Variants in ME3 observed in about 807,000 individuals in gnomAD.
The protein encoded by ME3 is malic enzyme 3, also known as NADP-dependent malic enzyme, mitochondrial.
Under a neutral mutation model 68.9 loss-of-function variants are expected in ME3, and 48 were observed. The observed-to-expected ratio is 0.70, with a 90% CI of 0.55 to 0.89. ME3 has a LOEUF of 0.89. ME3 is among the 40% of genes least tolerant of loss of function. The pLI is 0.00. For synonymous variants in ME3, 320 were observed against 318.8 expected (o/e 1.00, Z -0.04); for missense variants, 675 against 797.4 (o/e 0.85, Z 1.85).
At chr11:86,613,452 A>G (rs1158314150) in intron 2 of ME3, among the ~76,000 whole-genome samples, 2 of 152,208 alleles carry the variant, frequency 1.3e-5, no homozygotes, top group African/African-American at 4.8e-5. Flanking sequence ...TCAACATAGT[A>G]TTGGAAGTTC....
At chr11:86,558,122 T>G (rs1056151380) in intron 3 of ME3, among the ~76,000 whole-genome samples, 14 of 152,214 alleles carry the variant, frequency 9.2e-5, no homozygotes, top group African/African-American at 2.7e-4. Flanking sequence ...TCCCCAGGCC[T>G]ATGAGTGAGG....
At chr11:86,487,060 C>A (rs915436640) in intron 7 of ME3, among the ~76,000 whole-genome samples, 7 of 152,272 alleles carry the variant, frequency 4.6e-5, no homozygotes, top group Admixed American at 1.3e-4. Flanking sequence ...GGGGGTTTTT[C>A]TCCTGGGACA....
At chr11:86,666,399 C>T (rs1000892038) in intron 2 of ME3, among the ~76,000 whole-genome samples, 2 of 152,172 alleles carry the variant, frequency 1.3e-5, no homozygotes, top group Admixed American at 6.5e-5. Flanking sequence ...TGATTGCTTG[C>T]CCAGACTTGT....
chr11:86,595,306 T>TAGAGAGAG (rs34224480), intron 2 of ME3, among the ~76,000 whole-genome samples: 17 of 79,820 alleles, frequency 2.1e-4, no homozygotes, highest in African/African-American at 3.1e-4. Context: ...TATATATATA[T>TAGAGAGAG]AGAGAGAGAG....
intron 2 of ME3, among the ~76,000 whole-genome samples, chr11:86,570,159 G>A (rs577626083): frequency 6.6e-6 from 1 of 152,156 alleles, no homozygotes; most frequent in Non-Finnish European, 1.5e-5. Flanking sequence ...AGCAGACACC[G>A]TGTAACAGTA....
chr11:86,473,324 C>T (rs61323622), intron 7 of ME3, among the ~76,000 whole-genome samples: 1 of 152,198 alleles, frequency 6.6e-6, no homozygotes, highest in Non-Finnish European at 1.5e-5. Flanking sequence ...CACTGGTGAC[C>T]TTCGCAGACC....
At chr11:86,597,026 C>A (rs985466232) in intron 2 of ME3, among the ~76,000 whole-genome samples, 3 of 152,190 alleles carry the variant, frequency 2.0e-5, no homozygotes, top group Non-Finnish European at 4.4e-5. Flanking sequence ...CAGCAAAAGA[C>A]AGAGGCCCTG....
intron 2 of ME3, among the ~76,000 whole-genome samples, chr11:86,662,612 G>T (rs1278532212): frequency 6.6e-6 from 1 of 151,918 alleles, no homozygotes; most frequent in Non-Finnish European, 1.5e-5. Context: ...AAATAAAAAT[G>T]AAAATAAAAT....
intron 7 of ME3, among the ~76,000 whole-genome samples, chr11:86,484,093 G>T (rs959280368): frequency 9.2e-5 from 14 of 152,140 alleles, no homozygotes; most frequent in African/African-American, 3.4e-4. Flanking sequence ...GTCCTGGCAG[G>T]TTCTCCTCAG....
At chr11:86,512,539 A>T (rs1310347637) in intron 4 of ME3, among the ~76,000 whole-genome samples, 1 of 152,250 alleles carries the variant, frequency 6.6e-6, no homozygotes, top group African/African-American at 2.4e-5. Flanking sequence ...AGGGATGAGG[A>T]TGAAAAGTGT....
At chr11:86,489,378 A>C (rs369832051) in intron 6 of ME3, among the ~76,000 whole-genome samples, 1 of 152,344 alleles carries the variant, frequency 6.6e-6, no homozygotes, top group South Asian at 2.1e-4. Context: ...GGAAAAATAT[A>C]TATGAAAGAG....
At chr11:86,493,303 A>G (rs1202009000) in intron 6 of ME3, among the ~76,000 whole-genome samples, 1 of 152,158 alleles carries the variant, frequency 6.6e-6, no homozygotes, top group African/African-American at 2.4e-5. Flanking sequence ...CAGTTCCAGA[A>G]GAGCACACAG....
In ME3 at chr11:86,495,104, G is replaced by T. The variant is rs574424598; in HGVS notation, c.705+2859C>A. Among the ~76,000 whole-genome samples, 6 of 152,266 alleles carry T rather than the reference G, an allele frequency of 3.9e-5. No homozygotes were observed. In the South Asian group the frequency reaches 8.3e-4, roughly 21 times the overall value. Reference sequence around the variant, plus strand: ...ATAAAGCAACAGAAATTAGGCACAGGTGTAATGTGGGGAGAGGAGCACAAA... The same window carrying T: ...ATAAAGCAACAGAAATTAGGCACAGTTGTAATGTGGGGAGAGGAGCACAAA... On this transcript the variant is annotated intron_variant, in intron 6 of 14. Transcript: ENST00000543262.
At chr11:86,450,768 A>G (rs1949582865) in intron 8 of ME3, among the ~76,000 whole-genome samples, 1 of 152,240 alleles carries the variant, frequency 6.6e-6, no homozygotes, top group Admixed American at 6.5e-5. Flanking sequence ...ATTTAAAAAA[A>G]TGAGAACACA....
intron 10 of ME3, among the ~76,000 whole-genome samples, chr11:86,448,474 T>C (rs1949448226): frequency 6.6e-6 from 1 of 152,160 alleles, no homozygotes; most frequent in Non-Finnish European, 1.5e-5. Context: ...GCATGTTTCT[T>C]TAACCCAAAC....
At chr11:86,462,503 A>G (rs549590835) in intron 8 of ME3, 3 of 1,122,622 alleles carry the variant, frequency 2.7e-6, no homozygotes, top group East Asian at 6.3e-5. Flanking sequence ...TCAGCTGTAC[A>G]TGAATGATGA....
intron 4 of ME3, among the ~76,000 whole-genome samples, chr11:86,543,500 A>C (rs1956173866): frequency 6.6e-6 from 1 of 152,196 alleles, no homozygotes; most frequent in Non-Finnish European, 1.5e-5. Flanking sequence ...CAGGGGTTGC[A>C]ATCCTAGTCT....
chr11:86,564,939 C>T (rs143059383), intron 2 of ME3, among the ~76,000 whole-genome samples: 41 of 152,260 alleles, frequency 2.7e-4, no homozygotes, highest in Middle Eastern at 6.8e-3. Flanking sequence ...ACTTGAAAAT[C>T]ACATATCTGA....
At chr11:86,449,618 CTA>C (rs1949521282) in intron 10 of ME3, among the ~76,000 whole-genome samples, 2 of 152,156 alleles carry the variant, frequency 1.3e-5, no homozygotes, top group African/African-American at 4.8e-5. Context: ...CTTTTGGAAA[CTA>C]TGATTTAATG....
Sources: allele counts gnomAD v4.1 joint callset (sites outside exome capture counted in the v4.1 genomes callset), GRCh38; gene constraint gnomAD v4.1.1; transcripts MANE v1.5; gene names NCBI Gene and HGNC (gene_info 2026-07-23, HGNC 2026-07-21).